CASS4: variants seen among roughly 807,000 people sequenced by gnomAD.
CASS4 encodes the protein cas scaffolding protein family member 4.
Under a neutral mutation model 54.2 loss-of-function variants are expected in CASS4, and 22 were observed. The observed-to-expected ratio is 0.41, with a 90% CI of 0.29 to 0.58. The LOEUF is 0.58. Ranked by LOEUF, CASS4 falls within the 20% of genes least tolerant of loss-of-function variation. The pLI is 0.36. For synonymous variants in CASS4, 409 were observed against 391.5 expected (o/e 1.04, Z -0.53); for missense variants, 854 against 986.7 (o/e 0.87, Z 1.80).
At chr20:56,446,094 C>G (rs1260942865) in intron 3 of CASS4, 93 bp downstream of exon 3, 7 of 801,318 alleles carry the variant, frequency 8.7e-6, no homozygotes, top group Non-Finnish European at 1.4e-5. Flanking sequence ...TTCAGCATTA[C>G]CATGGCGGCC....
chr20:56,457,586 G>C (rs571689913), intron 5 of CASS4, among the ~76,000 whole-genome samples: 1 of 152,250 alleles, frequency 6.6e-6, no homozygotes, highest in East Asian at 1.9e-4. Flanking sequence ...AGGGTATTTA[G>C]TTGCTTCTGG....
chr20:56,454,394 T>G (rs982872116), intron 5 of CASS4, among the ~76,000 whole-genome samples: 7 of 152,208 alleles, frequency 4.6e-5, no homozygotes, highest in African/African-American at 1.7e-4. Context: ...TTTAACATGT[T>G]CTAGAAATTT....
chr20:56,438,042 T>A (rs1420234681), intron 2 of CASS4, among the ~76,000 whole-genome samples: 2 of 152,150 alleles, frequency 1.3e-5, no homozygotes, highest in Non-Finnish European at 2.9e-5. Flanking sequence ...ATATTCCCAG[T>A]ACTCTGGGGG....
chr20:56,428,150 T>G (rs1979732193), intron 1 of CASS4, among the ~76,000 whole-genome samples: 1 of 152,206 alleles, frequency 6.6e-6, no homozygotes, highest in Non-Finnish European at 1.5e-5. Flanking sequence ...GGTCTCATGA[T>G]CTCTACTTTA....
chr20:56,413,927 T>C lies in CASS4; in HGVS notation c.36+1433T>C, dbSNP rs147563110. ...TGTCATATTTGTGTGCATTTATTTG[T>C]GTATATTTAGACACTGGAACACACT... On this transcript the variant is annotated intron_variant, in intron 1 of 5. Coordinates refer to ENST00000679887, the MANE Select transcript of CASS4 (RefSeq NM_020356.4). Among the ~76,000 whole-genome samples the C allele has an allele frequency of 5.8e-3, 878 of 152,278 alleles. 13 individuals carry two copies. The highest frequency in any genetic ancestry group is 0.02 in the African/African-American group (841 of 41,558).
chr20:56,437,186 A>G lies in CASS4; in HGVS notation c.59A>G (p.Tyr20Cys). 1 of 1,567,568 alleles carries G rather than the reference A, an allele frequency of 6.4e-7. No individual in the cohort carries two copies. Among genetic ancestry groups the G allele is most frequent in the South Asian group, 1.2e-5 (1 of 84,718 alleles). ...CAGGCACTCCTGGCCAGGGCACTTTATGACAACTGCCCTGACTGCTCTGAC... is the reference window on the plus strand; with the variant it reads ...CAGGCACTCCTGGCCAGGGCACTTTGTGACAACTGCCCTGACTGCTCTGAC... ...APKALLARAL[Y>C]DNCPDCSDEL... is the part of the protein sequence containing the mutation. The change falls in exon 2 of 6, where the codon TAT becomes TGT. Residue 20 changes from tyrosine (Y) to cysteine (C), a missense_variant. Tyr to Cys is a radical substitution (Grantham distance 194). Coordinates refer to ENST00000679887, the MANE Select transcript of CASS4 (RefSeq NM_020356.4). The surrounding 1 kb of genome is among the most constrained non-coding windows in gnomAD (Gnocchi z 4.7).
intron 1 of CASS4, among the ~76,000 whole-genome samples, chr20:56,421,312 T>G (rs185547445): frequency 6.6e-6 from 1 of 152,348 alleles, no homozygotes; most frequent in East Asian, 1.9e-4. Flanking sequence ...TGTTTTTTAA[T>G]TGACTCAATT....
At chr20:56,448,196 A>T (rs1401425127) in intron 3 of CASS4, among the ~76,000 whole-genome samples, 1 of 151,728 alleles carries the variant, frequency 6.6e-6, no homozygotes, top group African/African-American at 2.4e-5. Flanking sequence ...GACTCATTTC[A>T]CTCATCTTGC....
intron 3 of CASS4, among the ~76,000 whole-genome samples, chr20:56,448,275 T>G (rs1826256575): frequency 6.6e-6 from 1 of 152,214 alleles, no homozygotes; most frequent in Non-Finnish European, 1.5e-5. Context: ...ATGATTTTTT[T>G]GCATTATGAT....
Position 56,452,783 on chromosome 20 carries a change from G to A in CASS4, c.1607G>A (p.Ser536Asn). 1.2e-6 allele frequency: 2 copies of A among 1,614,054 alleles called. No individual in the cohort carries two copies. The highest frequency in any genetic ancestry group is 1.7e-6 in the Non-Finnish European group (2 of 1,180,012). ...CGCATCCTGCTTGAAACAAAGGAAA[G>A]CTTGGATAATCGCAATTGGCCTCTG... is the stretch of plus-strand genomic sequence containing the variant. Reference protein sequence around the residue: ...SYRILLETKESLDNRNWPLEV... With the variant: ...SYRILLETKENLDNRNWPLEV... Residue 536 changes from serine (S) to asparagine (N), a missense_variant, in exon 5 of 6, where the codon AGC becomes AAC. Coordinates refer to ENST00000679887, the MANE Select transcript of CASS4 (RefSeq NM_020356.4).
chr20:56,460,215 T>G lies in CASS4; in HGVS notation c.*1468T>G, dbSNP rs188849803. 1.8e-4 allele frequency: 28 copies of G among 152,730 alleles called. No homozygotes were observed. The highest frequency in any genetic ancestry group is 5.9e-5 in the Non-Finnish European group (4 of 68,030). The allele number at this position is 152,730 out of a possible 1,614,324, so 9.5% of individuals were successfully genotyped here. ...ATTTCATACATTATAGATTCTGGGT[T>G]GATAAATTCTGCTCAATTTGAAAAA... On this transcript the variant is annotated 3_prime_UTR_variant, in exon 6 of 6. Coordinates refer to ENST00000679887, the MANE Select transcript of CASS4 (RefSeq NM_020356.4).
At chr20:56,457,377 A>G (rs1981350683) in intron 5 of CASS4, among the ~76,000 whole-genome samples, 1 of 152,154 alleles carries the variant, frequency 6.6e-6, no homozygotes, top group African/African-American at 2.4e-5. Flanking sequence ...TCACCTTTCA[A>G]TTGTTACCTG....
intron 1 of CASS4, among the ~76,000 whole-genome samples, chr20:56,415,376 G>A (rs575452433): frequency 3.3e-5 from 5 of 151,972 alleles, no homozygotes; most frequent in Non-Finnish European, 5.9e-5. Context: ...CCAAGTTGTC[G>A]ACACCTAGTT....
At chr20:56,446,494 C>T (rs760079413) in intron 3 of CASS4, among the ~76,000 whole-genome samples, 2 of 152,058 alleles carry the variant, frequency 1.3e-5, no homozygotes, top group Non-Finnish European at 2.9e-5. Flanking sequence ...CACGGATTAT[C>T]ACTGATTATC....
intron 2 of CASS4, among the ~76,000 whole-genome samples, chr20:56,444,349 G>A (rs1364046065): frequency 6.6e-6 from 1 of 152,042 alleles, no homozygotes; most frequent in Non-Finnish European, 1.5e-5. Context: ...GCCCCCTACT[G>A]AGCAACAGCT....
In CASS4 at chr20:56,435,615, G is replaced by A. The variant is rs1007335184; in HGVS notation, c.37-1549G>A. On this transcript the variant is annotated intron_variant, in intron 1 of 5. Coordinates refer to ENST00000679887, the MANE Select transcript of CASS4 (RefSeq NM_020356.4). ...GCCATCACTGCCGTGGTAACAAGGC[G>A]ACTTTTTTTAGAACTGTGTGGCTAA... Among the ~76,000 whole-genome samples the A allele has an allele frequency of 7.2e-5, 11 of 152,208 alleles. 1 individual carries two copies. The highest frequency in any genetic ancestry group is 7.2e-4 in the Admixed American group (11 of 15,280).
In CASS4 at chr20:56,419,975, G is replaced by A. The variant is rs147225996; in HGVS notation, c.36+7481G>A. ...GGAGAATCGCTTGAACCCAGGAGGC[G>A]GAGGTTGTGGTGAGCCGAAATCACG... On this transcript the variant is annotated intron_variant, in intron 1 of 5. Coordinates refer to ENST00000679887, the MANE Select transcript of CASS4 (RefSeq NM_020356.4). 1.8e-4 allele frequency among the ~76,000 whole-genome samples: 28 copies of A among 152,216 alleles called. No individual in the cohort carries two copies. The East Asian group carries it at 5.1e-3, about 27-fold the overall frequency.
chr20:56,457,177 T>C (rs1408718664), intron 5 of CASS4, among the ~76,000 whole-genome samples: 1 of 152,234 alleles, frequency 6.6e-6, no homozygotes, highest in East Asian at 1.9e-4. Flanking sequence ...CTAGGAGACA[T>C]AACCCCCTTC....
upstream of CASS4, chr20:56,412,228 G>T (rs1405447410): frequency 1.9e-6 from 1 of 538,238 alleles, no homozygotes. This position sits in a 1 kb window ranked among gnomAD's most constrained non-coding sequence, Gnocchi z 4.2. Context: ...AGTGTGGCTT[G>T]TATTTCTGGT....
Sources: gnomAD v4.1 joint callset for allele counts (sites outside exome capture counted in the v4.1 genomes callset) on GRCh38, gnomAD v4.1.1 for gene constraint, Gnocchi (gnomAD v3.1) non-coding constraint, MANE v1.5 for transcripts, NCBI Gene and HGNC (gene_info 2026-07-23, HGNC 2026-07-21) for gene names.